DENND1B: variants seen among roughly 807,000 people sequenced by gnomAD.
DENND1B encodes DENN domain-containing protein 1B.
A neutral mutation model predicts 90.1 loss-of-function variants in DENND1B; 59 were observed. The observed-to-expected ratio is 0.65, with a 90% CI of 0.53 to 0.81. The LOEUF is 0.81. Ranked by LOEUF, DENND1B falls within the 40% of genes least tolerant of loss-of-function variation. The probability of loss-of-function intolerance (pLI) is 0.00; values close to 1 mark genes in which losing one functional copy is unlikely to be tolerated. For synonymous variants in DENND1B, 337 were observed against 324.6 expected, an observed-to-expected ratio of 1.04 and a Z score of -0.41; for missense variants, 862 against 912.6, an observed-to-expected ratio of 0.94 and a Z score of 0.71.
intron 5 of DENND1B, among the ~76,000 whole-genome samples, chr1:197,671,215 T>C (rs527895875): frequency 6.6e-6 from 1 of 152,338 alleles, no homozygotes; most frequent in South Asian, 2.1e-4. Context: ...ATCCATGTTA[T>C]AATAATAGTT....
At chr1:197,674,247 T>C (rs1445822373) in intron 3 of DENND1B, 78 bp from the exon 4 acceptor site, 9 of 1,041,962 alleles carry the variant, frequency 8.6e-6, no homozygotes, top group South Asian at 1.5e-5. Flanking sequence ...CTTTGAGACA[T>C]TTTCTAGGAG....
intron 10 of DENND1B, among the ~76,000 whole-genome samples, chr1:197,625,480 C>T (rs1037580661): frequency 6.6e-6 from 1 of 152,048 alleles, no homozygotes; most frequent in African/African-American, 2.4e-5. Flanking sequence ...ATTTCGCCAC[C>T]ACCAGGCCTG....
At chr1:197,735,997 G>A (rs1662642954) in intron 2 of DENND1B, 16 of 1,102,802 alleles carry the variant, frequency 1.5e-5, no homozygotes, top group Admixed American at 4.0e-5. Context: ...GCTAAGCAAA[G>A]TATCTAAAAA....
At chr1:197,781,265 G>C in the DENND1B span, among the ~76,000 whole-genome samples, 1 of 152,090 alleles carries the variant, frequency 6.6e-6, no homozygotes, top group Non-Finnish European at 1.5e-5. Flanking sequence ...TGAATTTTTT[G>C]AGGCAAGCAT....
intron 2 of DENND1B, among the ~76,000 whole-genome samples, chr1:197,746,005 G>T (rs1663708967): frequency 6.6e-6 from 1 of 152,102 alleles, no homozygotes; most frequent in Admixed American, 6.6e-5. Flanking sequence ...AGTGTCAATT[G>T]AAACTTTTTG....
At chr1:197,568,833 T>A (rs1672908918) in intron 15 of DENND1B, among the ~76,000 whole-genome samples, 1 of 152,052 alleles carries the variant, frequency 6.6e-6, no homozygotes, top group Non-Finnish European at 1.5e-5. Context: ...TTTATAAACA[T>A]AAGACCTGAA....
At chr1:197,735,708 G>T in intron 2 of DENND1B, 1 of 1,613,786 alleles carries the variant, frequency 6.2e-7, no homozygotes, top group Non-Finnish European at 8.5e-7. Flanking sequence ...CGCCAGGACC[G>T]ACAGGAAAGT....
At chr1:197,653,111 C>T (rs1653418123) in intron 6 of DENND1B, among the ~76,000 whole-genome samples, 1 of 151,816 alleles carries the variant, frequency 6.6e-6, no homozygotes, top group African/African-American at 2.4e-5. Flanking sequence ...TGTCTATCCA[C>T]TTATACCAAA....
At chr1:197,548,096 C>T (rs2125674860) in intron 16 of DENND1B, among the ~76,000 whole-genome samples, 1 of 152,280 alleles carries the variant, frequency 6.6e-6, no homozygotes, top group South Asian at 2.1e-4. Context: ...TTCTTTTAAA[C>T]CTCTGAACCA....
chr1:197,558,033 G>T (rs935970192), intron 15 of DENND1B, among the ~76,000 whole-genome samples: 32 of 151,794 alleles, frequency 2.1e-4, no homozygotes, highest in African/African-American at 7.2e-4. Context: ...AGCTTTGAAA[G>T]AATTAGTTTA....
chr1:197,627,365 T>TGGTTCAATAC (rs1678861849), intron 10 of DENND1B, among the ~76,000 whole-genome samples: 1 of 152,200 alleles, frequency 6.6e-6, no homozygotes, highest in South Asian at 2.1e-4. Flanking sequence ...TATGCCAGGC[T>TGGTTCAATAC]GGTTCAATAC....
rs565731377 is a variant in DENND1B, at chr1:197,715,010, A to T, written c.126+21T>A. The T allele has an allele frequency of 6.2e-4, 994 of 1,592,884 alleles. 2 individuals carry two copies. Among genetic ancestry groups the T allele is most frequent in the Middle Eastern group, 4.2e-3 (25 of 6,018 alleles). On this transcript the variant is annotated intron_variant, in intron 3 of 22. Coordinates refer to ENST00000620048, the MANE Select transcript of DENND1B (RefSeq NM_001195215.2). Reference sequence around the variant, plus strand: ...ATAATACTTCAACTTTAAATTTTTTAAAAAATTATGTGGTACCAACCTGGT... The same window carrying T: ...ATAATACTTCAACTTTAAATTTTTTTAAAAATTATGTGGTACCAACCTGGT...
chr1:197,544,177 T>C (rs1670545374), intron 18 of DENND1B, among the ~76,000 whole-genome samples: 1 of 152,244 alleles, frequency 6.6e-6, no homozygotes, highest in East Asian at 1.9e-4. Context: ...TTGTGTAGGG[T>C]TGAGAAGACA....
At chr1:197,651,536 A>G (rs1653176034) in intron 7 of DENND1B, among the ~76,000 whole-genome samples, 1 of 150,650 alleles carries the variant, frequency 6.6e-6, no homozygotes, top group Admixed American at 6.6e-5. Flanking sequence ...TTTATATGTT[A>G]TATGTCATTT....
intron 17 of DENND1B, among the ~76,000 whole-genome samples, 169 bp downstream of exon 17, chr1:197,546,564 G>T (rs1670829496): frequency 6.6e-6 from 1 of 152,090 alleles, no homozygotes; most frequent in Non-Finnish European, 1.5e-5. Context: ...TTATCTTAAT[G>T]AGTATCAACA....
rs901594988 is a variant in DENND1B, at chr1:197,600,881, G to T, written c.922-5548C>A. 2.0e-5 allele frequency among the ~76,000 whole-genome samples: 3 copies of T among 151,484 alleles called. No individual in the cohort carries two copies. In the East Asian group the frequency reaches 5.9e-4, roughly 30 times the overall value. ...CGTCATAAGAAAAATGAAACCTCAGGCTTGCAACCTTTACTATTAAGCTGG... is the reference window on the plus strand; with the variant it reads ...CGTCATAAGAAAAATGAAACCTCAGTCTTGCAACCTTTACTATTAAGCTGG... On this transcript the variant is annotated intron_variant, in intron 13 of 22. Transcript: ENST00000620048.
intron 20 of DENND1B, among the ~76,000 whole-genome samples, chr1:197,529,282 GTA>G (rs61517705): frequency 3.0e-4 from 30 of 98,732 alleles, no homozygotes; most frequent in East Asian, 9.0e-4. Context: ...ATGTATATAT[GTA>G]TATATATGTA....
intron 2 of DENND1B, among the ~76,000 whole-genome samples, chr1:197,731,485 T>G (rs1372875665): frequency 6.6e-6 from 1 of 152,164 alleles, no homozygotes; most frequent in South Asian, 2.1e-4. Flanking sequence ...TCTAAAACTT[T>G]CAGTAGTATA....
chr1:197,774,334 T>A (rs1656996332), intron 1 of DENND1B, among the ~76,000 whole-genome samples: 1 of 152,230 alleles, frequency 6.6e-6, no homozygotes, highest in African/African-American at 2.4e-5. Flanking sequence ...CATGGCATTA[T>A]TTTAAACTTT....
Sources: gnomAD v4.1 joint callset for allele counts (sites outside exome capture counted in the v4.1 genomes callset) on GRCh38, gnomAD v4.1.1 for gene constraint, MANE v1.5 for transcripts, NCBI Gene and HGNC (gene_info 2026-07-23, HGNC 2026-07-21) for gene names.